Variants in CCDC171 observed in about 807,000 individuals in gnomAD.
CCDC171 encodes the protein coiled-coil domain-containing protein 171.
Under a neutral mutation model 168.2 loss-of-function variants are expected in CCDC171, and 177 were observed. The ratio of observed to expected loss-of-function variants is 1.05; its 90% CI spans 0.93 to 1.19. The LOEUF (loss-of-function observed/expected upper bound fraction) is 1.19, where lower values mean the gene tolerates loss of function less well. Ranked by LOEUF, CCDC171 falls within the 50% of genes most tolerant of loss-of-function variation. The pLI is 0.00. For missense variants in CCDC171, 1,991 were observed against 1,539.0 expected, an observed-to-expected ratio of 1.29 and a Z score of -4.91; for synonymous variants, 687 against 540.8, an observed-to-expected ratio of 1.27 and a Z score of -3.75.
intron 3 of CCDC171, among the ~76,000 whole-genome samples, chr9:16,006,185 A>G (rs1285987514): frequency 6.6e-6 from 1 of 152,128 alleles, no homozygotes; most frequent in Non-Finnish European, 1.5e-5. Context: ...ACTGTTTGCA[A>G]AAGTAACTCC....
At chr9:15,599,341 C>G (rs1240369402) in intron 6 of CCDC171, among the ~76,000 whole-genome samples, 1 of 152,068 alleles carries the variant, frequency 6.6e-6, no homozygotes, top group Non-Finnish European at 1.5e-5. Context: ...TAGGGCAGGC[C>G]TGGTGGTGAC....
At chr9:16,100,188 A>G in the CCDC171 span, among the ~76,000 whole-genome samples, 3 of 152,176 alleles carry the variant, frequency 2.0e-5, no homozygotes, top group Admixed American at 2.0e-4. Context: ...ACTCAGCCCC[A>G]TCTTATTGAA....
At position 15,779,037 on chromosome 9, in the gene CCDC171, C is replaced by T. The variant is rs753856863; in HGVS notation, c.2968C>T (p.Arg990Cys). ...TQRLHAAEVE[R>C]RSLRLEVTEF... Reference sequence around the variant, plus strand: ...AAGACTGCATGCTGCAGAAGTGGAGCGCCGCTCACTACGCTTAGAGGTCAC... The same window carrying T: ...AAGACTGCATGCTGCAGAAGTGGAGTGCCGCTCACTACGCTTAGAGGTCAC... Residue 990 changes from arginine (R) to cysteine (C), a missense_variant, in exon 20 of 26, where the codon CGC (arginine) becomes TGC (cysteine). Physicochemically the swap from Arg to Cys is radical, Grantham distance 180. Transcript: ENST00000380701. 28 of 1,601,964 alleles carry T rather than the reference C, an allele frequency of 1.7e-5. No homozygotes were observed. Among genetic ancestry groups the T allele is most frequent in the South Asian group, 2.3e-5 (2 of 87,694 alleles).
intron 8 of CCDC171, chr9:16,036,216 A>C (rs1833464193): frequency 6.6e-6 from 1 of 152,260 alleles, no homozygotes; most frequent in South Asian, 2.1e-4. Context: ...GGTGAGAAAG[A>C]CACAGAAACT....
the CCDC171 span, among the ~76,000 whole-genome samples, chr9:16,074,137 C>T: frequency 2.6e-5 from 4 of 152,062 alleles, no homozygotes; most frequent in Admixed American, 2.6e-4. Flanking sequence ...TTATTTTAGC[C>T]CCACATTTTC....
intron 21 of CCDC171, among the ~76,000 whole-genome samples, chr9:15,798,952 C>T (rs1213258671): frequency 2.0e-5 from 3 of 151,470 alleles, no homozygotes; most frequent in Admixed American, 2.0e-4. Flanking sequence ...ATGTATAATA[C>T]AAAAATCTTA....
intron 1 of CCDC171, among the ~76,000 whole-genome samples, chr9:16,059,731 G>C (rs1833902953): frequency 6.7e-6 from 1 of 149,982 alleles, no homozygotes. Flanking sequence ...AGCCAGGATG[G>C]TCTCGATCGC....
At chr9:15,618,926 G>T (rs1196611267) in intron 6 of CCDC171, among the ~76,000 whole-genome samples, 1 of 152,054 alleles carries the variant, frequency 6.6e-6, no homozygotes, top group Non-Finnish European at 1.5e-5. Flanking sequence ...CTCGCTGGGA[G>T]CTGCAGACTG....
At chr9:15,622,132 G>A (rs182250882) in intron 6 of CCDC171, among the ~76,000 whole-genome samples, 10 of 152,264 alleles carry the variant, frequency 6.6e-5, no homozygotes, top group Admixed American at 5.2e-4. Context: ...TTCTGCCTGA[G>A]GGTGGAGAGT....
chr9:15,575,543 T>A (rs930812412), intron 3 of CCDC171, among the ~76,000 whole-genome samples: 37 of 152,290 alleles, frequency 2.4e-4, no homozygotes, highest in South Asian at 2.3e-3. Context: ...GGCTTGAAGA[T>A]ATTGTCTGAC....
chr9:15,661,046 C>T (rs988702772), intron 8 of CCDC171, among the ~76,000 whole-genome samples: 2 of 152,016 alleles, frequency 1.3e-5, no homozygotes, highest in African/African-American at 2.4e-5. Flanking sequence ...TTTGGGAGGC[C>T]GAGGCGGGTG....
chr9:15,641,565 C>T (rs1381746675), intron 7 of CCDC171, among the ~76,000 whole-genome samples: 1 of 152,134 alleles, frequency 6.6e-6, no homozygotes, highest in Non-Finnish European at 1.5e-5. Context: ...AGTTCTGCTG[C>T]TGAATTGGAG....
chr9:16,106,896 A>T, the CCDC171 span, among the ~76,000 whole-genome samples: 1 of 152,128 alleles, frequency 6.6e-6, no homozygotes, highest in South Asian at 2.1e-4. Context: ...CAGGACTTCT[A>T]TACCATCTAC....
intron 25 of CCDC171, among the ~76,000 whole-genome samples, chr9:15,923,046 C>A (rs923968601): frequency 6.6e-6 from 1 of 151,498 alleles, no homozygotes; most frequent in African/African-American, 2.4e-5. Context: ...CTTTGCTGTG[C>A]AGAGCTTTTT....
At chr9:15,665,449 A>G (rs1363528695) in intron 8 of CCDC171, among the ~76,000 whole-genome samples, 1 of 152,218 alleles carries the variant, frequency 6.6e-6, no homozygotes, top group Non-Finnish European at 1.5e-5. Flanking sequence ...TCATGTAATA[A>G]TGTTTCTTGT....
At chr9:15,708,441 C>T (rs935948906) in intron 11 of CCDC171, among the ~76,000 whole-genome samples, 5 of 152,158 alleles carry the variant, frequency 3.3e-5, no homozygotes, top group South Asian at 4.1e-4. Context: ...TCTCCTGCCA[C>T]GGTATCCTCC....
At chr9:15,705,480 C>T (rs537251003) in intron 11 of CCDC171, among the ~76,000 whole-genome samples, 2 of 152,154 alleles carry the variant, frequency 1.3e-5, no homozygotes, top group East Asian at 1.9e-4. Context: ...CTTGAATATG[C>T]CAAGCATGCT....
Position 15,664,656 on chromosome 9 carries a change from T to C in CCDC171, c.916-1507T>C, listed in dbSNP as rs71513240. 6.1e-3 allele frequency among the ~76,000 whole-genome samples: 930 copies of C among 152,048 alleles called. 5 individuals carry two copies. Among genetic ancestry groups the C allele is most frequent in the Non-Finnish European group, 9.2e-3 (623 of 67,978 alleles). On this transcript the variant is annotated intron_variant, in intron 8 of 25. Transcript: ENST00000380701. ...TTATTTTGTTGGAATCTCTTGTTTA[T>C]TCATCCTATGGTTGGTGGACACAGG...
At chr9:15,993,789 A>G (rs1390409746) in intron 3 of CCDC171, among the ~76,000 whole-genome samples, 2 of 152,264 alleles carry the variant, frequency 1.3e-5, no homozygotes, top group Non-Finnish European at 2.9e-5. Flanking sequence ...GGATATGAAC[A>G]GACACTTCTC....
Sources: gnomAD v4.1 joint callset for allele counts (sites outside exome capture counted in the v4.1 genomes callset) on GRCh38, gnomAD v4.1.1 for gene constraint, MANE v1.5 for transcripts, NCBI Gene and HGNC (gene_info 2026-07-23, HGNC 2026-07-21) for gene names.